The following SAMD11 variants were observed in gnomAD, a reference collection of about 807,000 sequenced individuals.
SAMD11 encodes sterile alpha motif domain-containing protein 11.
A neutral mutation model predicts 64.4 loss-of-function variants in SAMD11; 77 were observed. The observed-to-expected ratio is 1.20, with a 90% CI of 0.99 to 1.44. The LOEUF is 1.44. SAMD11 is among the 40% of genes most tolerant of loss of function. SAMD11 has a pLI of 0.00. For synonymous variants in SAMD11, 658 were observed against 421.9 expected (o/e 1.56, Z -6.86); for missense variants, 1,402 against 943.3 (o/e 1.49, Z -6.37).
Position 930,158 on chromosome 1 carries a change from C to CG in SAMD11, c.618dup (p.Arg207AlafsTer30). 1.3e-6 allele frequency: 2 copies of CG among 1,555,490 alleles called. No homozygotes were observed. The highest frequency in any genetic ancestry group is 1.7e-6 in the Non-Finnish European group (2 of 1,149,472). ...TCCTCTCCTCCTGCCCCACCAGAACCGGGGGCGGCTGGCAGACAAGAGGAC... is the reference window on the plus strand; with the variant it reads ...TCCTCTCCTCCTGCCCCACCAGAACCGGGGGGCGGCTGGCAGACAAGAGGAC... On this transcript the variant is annotated frameshift_variant, in exon 3 of 14. Coordinates refer to ENST00000616016, the MANE Select transcript of SAMD11 (RefSeq NM_001385641.1). LOFTEE classifies it high-confidence loss of function.
intron 5 of SAMD11, among the ~76,000 whole-genome samples, chr1:938,205 C>T (rs962876922): frequency 6.6e-6 from 1 of 152,152 alleles, no homozygotes; most frequent in Admixed American, 6.5e-5. Context: ...CAAGGGAGGA[C>T]CTCAGGAGAG....
At chr1:929,419 G>T (rs1303861729) in intron 2 of SAMD11, among the ~76,000 whole-genome samples, 3 of 152,244 alleles carry the variant, frequency 2.0e-5, no homozygotes, top group African/African-American at 7.2e-5. Context: ...TGACCTGTGA[G>T]CCCCGGGGCC....
Position 924,407 on chromosome 1 carries a change from G to T in SAMD11, c.-25G>T, listed in dbSNP as rs1439195256. On this transcript the variant is annotated 5_prime_UTR_variant, in exon 1 of 14. Transcript: ENST00000616016. The stretch of plus-strand genomic sequence containing the variant: ...TAAGTTGCTGCCGCCGGCGGAGAGC[G>T]GGGCTGCGGAGCCACCGGGGCGCCA... 6.7e-6 allele frequency: 1 copy of T among 149,550 alleles called. No homozygotes were observed. The highest frequency in any genetic ancestry group is 1.5e-5 in the Non-Finnish European group (1 of 66,998). 9.3% of individuals were successfully genotyped at this position (149,550 alleles called of 1,614,324 possible). A position where few individuals can be genotyped will look rare whatever the true frequency, so the allele number is the denominator to read the frequency against.
rs748175769 is a variant in SAMD11, at chr1:942,128, G to T, written c.1359-8G>T. On this transcript the variant is annotated splice_region_variant and splice_polypyrimidine_tract_variant and intron_variant, in intron 8 of 13. Transcript: ENST00000616016. ...GGGGGACGCCGCTCATTGCGCTGCCGTCCACAGGGAGCTGCCTCAGCCGCC... is the reference window on the plus strand; with the variant it reads ...GGGGGACGCCGCTCATTGCGCTGCCTTCCACAGGGAGCTGCCTCAGCCGCC... 1 of 1,200,578 alleles carries T rather than the reference G, an allele frequency of 8.3e-7. No individual in the cohort carries two copies. The highest frequency in any genetic ancestry group is 2.5e-5 in the Admixed American group (1 of 39,630). 74.4% of individuals were successfully genotyped at this position (1,200,578 alleles called of 1,614,324 possible). A position where few individuals can be genotyped will look rare whatever the true frequency, so the allele number is the denominator to read the frequency against.
chr1:942,086 TACGGGA>T (rs1056465851), intron 8 of SAMD11, 44 bp from the exon 9 acceptor site: 14 of 555,298 alleles, frequency 2.5e-5, no homozygotes, highest in Admixed American at 4.1e-5. Flanking sequence ...CCGGGGCCTT[TACGGGA>T]ACGGGGGCGG....
intron 7 of SAMD11, 144 bp from the exon 8 acceptor site, chr1:941,000 G>T: frequency 1.5e-6 from 1 of 656,050 alleles, no homozygotes. Context: ...CCATCCTCCT[G>T]CCCCGTGCCC....
At chr1:927,666 G>A (rs1279192273) in intron 2 of SAMD11, among the ~76,000 whole-genome samples, 1 of 152,254 alleles carries the variant, frequency 6.6e-6, no homozygotes, top group African/African-American at 2.4e-5. Flanking sequence ...AGATGCTCCG[G>A]GGCAGAATAT....
chr1:926,402 G>A (rs563738549), intron 2 of SAMD11, among the ~76,000 whole-genome samples: 13 of 152,346 alleles, frequency 8.5e-5, no homozygotes, highest in African/African-American at 2.9e-4. Flanking sequence ...GGCCCAGCTG[G>A]TGAGGTGTGA....
chr1:940,633 T>C (rs989968969), intron 7 of SAMD11, among the ~76,000 whole-genome samples: 1 of 151,964 alleles, frequency 6.6e-6, no homozygotes. Flanking sequence ...CGCGGGACAG[T>C]GACCCTGCGC....
chr1:935,870 G>C lies in SAMD11; in HGVS notation c.941G>C (p.Ser314Thr). 1 of 1,613,002 alleles carries C rather than the reference G, an allele frequency of 6.2e-7. No individual in the cohort carries two copies. Among genetic ancestry groups the C allele is most frequent in the African/African-American group, 1.3e-5 (1 of 75,050 alleles). ...HQSRCEFQRG[S>T]LEIGLRPAGD... ...AGCCGCTGTGAATTCCAGAGAGGCAGCCTGGAGATTGGCCTGCGACCCGCC... is the reference window on the plus strand; with the variant it reads ...AGCCGCTGTGAATTCCAGAGAGGCACCCTGGAGATTGGCCTGCGACCCGCC... Residue 314 changes from serine to threonine, a missense_variant, in exon 5 of 14, where the codon AGC becomes ACC. Transcript: ENST00000616016.
intron 5 of SAMD11, among the ~76,000 whole-genome samples, chr1:937,398 C>CG (rs1641512645): frequency 7.2e-5 from 2 of 27,654 alleles, no homozygotes; most frequent in Non-Finnish European, 1.2e-4. Context: ...TTCCACCTGC[C>CG]CCCCCCCCCA....
chr1:928,367 G>A (rs527647976), intron 2 of SAMD11, among the ~76,000 whole-genome samples: 7 of 152,326 alleles, frequency 4.6e-5, no homozygotes, highest in Non-Finnish European at 5.9e-5. Context: ...ACTCCAGCCT[G>A]GGCAACAGAG....
At chr1:943,092 G>C in intron 11 of SAMD11, 34 bp downstream of exon 11, 1 of 1,549,794 alleles carries the variant, frequency 6.5e-7, no homozygotes, top group Non-Finnish European at 8.7e-7. Flanking sequence ...CCTTCCAGAG[G>C]GCACAGGACT....
At position 942,164 on chromosome 1, in the gene SAMD11, T is replaced by C. The variant is rs2100356216; in HGVS notation, c.1387T>C (p.Ser463Pro). 7.0e-7 allele frequency: 1 copy of C among 1,426,814 alleles called. No homozygotes were observed. The highest frequency in any genetic ancestry group is 2.3e-5 in the Admixed American group (1 of 43,294). 88.4% of individuals were successfully genotyped at this position (1,426,814 alleles called of 1,614,324 possible). Residue 463 changes from serine (S) to proline (P), a missense_variant, in exon 9 of 14, where the codon TCG (serine) becomes CCG (proline). Ser to Pro is a moderately conservative substitution (Grantham distance 74). Transcript: ENST00000616016. ...RELPQPPPLL[S>P]PQNAPHVALG... ...GCTGCCTCAGCCGCCCCCCTTGCTG[T>C]CGCCGCAGAATGCCCCTCACGTCGC...
In SAMD11 at chr1:936,026, C is replaced by T. The variant is rs28606613; in HGVS notation, c.967+130C>T. 1.3e-3 allele frequency: 1,205 copies of T among 944,612 alleles called. 10 individuals carry two copies. In the African/African-American group the frequency reaches 0.017, roughly 13 times the overall value. 58.5% of individuals were successfully genotyped at this position (944,612 alleles called of 1,614,324 possible). ...GGAGGAGCGGCCTGTCCCCCAGGGGCTGCATGGGATGGTAATTGTGTTAAT... is the reference window on the plus strand; with the variant it reads ...GGAGGAGCGGCCTGTCCCCCAGGGGTTGCATGGGATGGTAATTGTGTTAAT... On this transcript the variant is annotated intron_variant, in intron 5 of 13. Coordinates refer to ENST00000616016, the MANE Select transcript of SAMD11 (RefSeq NM_001385641.1).
intron 4 of SAMD11, among the ~76,000 whole-genome samples, chr1:932,592 G>A (rs1252135010): frequency 2.3e-5 from 3 of 131,542 alleles, no homozygotes; most frequent in East Asian, 2.4e-4. Flanking sequence ...GAACCCACAC[G>A]GGCTCCCAGA....
chr1:941,436 C>T, intron 8 of SAMD11, 130 bp downstream of exon 8: 2 of 976,052 alleles, frequency 2.0e-6, no homozygotes, highest in Non-Finnish European at 2.9e-6. Flanking sequence ...CCGGGCAGAG[C>T]GTTTCGGGGG....
intron 2 of SAMD11, among the ~76,000 whole-genome samples, chr1:928,219 C>T (rs922121057): frequency 9.9e-5 from 15 of 152,012 alleles, no homozygotes; most frequent in Admixed American, 3.9e-4. Flanking sequence ...CGGTGAAACC[C>T]GTCTCTACTA....
At position 944,239 on chromosome 1, in the gene SAMD11, TTTCGG is replaced by T; in HGVS notation, c.*89_*93del. The T allele has an allele frequency of 6.9e-7, 1 of 1,453,948 alleles. No individual in the cohort carries two copies. 90.1% of individuals were successfully genotyped at this position (1,453,948 alleles called of 1,614,324 possible). A position where few individuals can be genotyped will look rare whatever the true frequency, so the allele number is the denominator to read the frequency against. On this transcript the variant is annotated 3_prime_UTR_variant, in exon 14 of 14. Coordinates refer to ENST00000616016, the MANE Select transcript of SAMD11 (RefSeq NM_001385641.1). ...GCCCTGCCTCCCACCGCTTTATTTC[TTTCGG>T]TTTCGGATGCAAAACAAAAAATTTT...
Sources: gnomAD v4.1 joint callset for allele counts (sites outside exome capture counted in the v4.1 genomes callset) on GRCh38, gnomAD v4.1.1 for gene constraint, MANE v1.5 for transcripts, NCBI Gene and HGNC (gene_info 2026-07-23, HGNC 2026-07-21) for gene names.